Variants in TMEM108 observed in about 807,000 individuals in gnomAD.
TMEM108 encodes the protein transmembrane protein 108.
TMEM108 carries 12 observed loss-of-function variants against 35.1 expected under a neutral mutation model. That is an observed-to-expected ratio of 0.34 (90% CI 0.22 to 0.55). The LOEUF is 0.55. Among genes scored for constraint, TMEM108 ranks in the 20% least tolerant of loss-of-function variants. The pLI is 0.89. For missense variants in TMEM108, 680 were observed against 753.3 expected, an observed-to-expected ratio of 0.90 and a Z score of 1.14; for synonymous variants, 287 against 308.6, an observed-to-expected ratio of 0.93 and a Z score of 0.73.
intron 2 of TMEM108, among the ~76,000 whole-genome samples, chr3:133,150,341 G>GGTTTT (rs1944780213): frequency 2.1e-5 from 1 of 48,680 alleles, no homozygotes; most frequent in Non-Finnish European, 4.2e-5. Context: ...CAGGTTATTT[G>GGTTTT]GTTTTTTTTT....
intron 2 of TMEM108, among the ~76,000 whole-genome samples, chr3:133,080,818 A>AT (rs1468070846): frequency 2.0e-5 from 3 of 151,968 alleles, no homozygotes; most frequent in African/African-American, 4.8e-5. Context: ...TATTTTCTCC[A>AT]TTTTTTTTAA....
chr3:133,090,865 T>G (rs1236234828), intron 2 of TMEM108, among the ~76,000 whole-genome samples: 1 of 152,192 alleles, frequency 6.6e-6, no homozygotes, highest in Non-Finnish European at 1.5e-5. Flanking sequence ...AAGTATTCTA[T>G]TATATGGAGC....
At chr3:133,184,886 C>A (rs1401160735) in intron 2 of TMEM108, among the ~76,000 whole-genome samples, 3 of 152,128 alleles carry the variant, frequency 2.0e-5, no homozygotes, top group Non-Finnish European at 2.9e-5. Flanking sequence ...GATGAAGGCT[C>A]AAAAGGAAAG....
chr3:133,341,254 A>G (rs1392160598), intron 3 of TMEM108, among the ~76,000 whole-genome samples: 2 of 151,898 alleles, frequency 1.3e-5, no homozygotes, highest in African/African-American at 4.8e-5. Context: ...GCATTTCTGT[A>G]TGCCAGCAGT....
chr3:133,168,566 AGGACCAATCAGCACTCTGTAAAAC>A (rs1393067055), intron 2 of TMEM108, among the ~76,000 whole-genome samples: 11 of 151,268 alleles, frequency 7.3e-5, no homozygotes, highest in Admixed American at 3.3e-4. Context: ...TGGTAAAAAA[AGGACCAATCAGCACTCTGTAAAAC>A]GGACCAATCA....
At chr3:133,273,072 TCA>T (rs1677413892) in intron 3 of TMEM108, among the ~76,000 whole-genome samples, 1 of 152,072 alleles carries the variant, frequency 6.6e-6, no homozygotes, top group South Asian at 2.1e-4. Flanking sequence ...TAGGGGTGGG[TCA>T]CAAACCCCTC....
chr3:133,386,151 G>C (rs1398688746), intron 4 of TMEM108, among the ~76,000 whole-genome samples: 1 of 152,212 alleles, frequency 6.6e-6, no homozygotes, highest in African/African-American at 2.4e-5. Flanking sequence ...CCCTGTCATG[G>C]TCAATCATGG....
intron 3 of TMEM108, among the ~76,000 whole-genome samples, chr3:133,231,394 G>A (rs1360770108): frequency 1.3e-5 from 2 of 152,116 alleles, no homozygotes; most frequent in African/African-American, 2.4e-5. Context: ...AGAACCTACT[G>A]TCTCCACTGC....
chr3:133,145,002 C>T (rs182538835), intron 2 of TMEM108, among the ~76,000 whole-genome samples: 2 of 152,194 alleles, frequency 1.3e-5, no homozygotes, highest in East Asian at 1.9e-4. Flanking sequence ...CTTTTGTTGC[C>T]ATTGCTTTTG....
intron 3 of TMEM108, among the ~76,000 whole-genome samples, chr3:133,260,720 C>A (rs1387132581): frequency 4.6e-5 from 7 of 152,118 alleles, no homozygotes; most frequent in Non-Finnish European, 8.8e-5. Context: ...AGATACCTGA[C>A]TGCTTTGTGG....
chr3:133,040,500 C>T (rs1342469749), intron 1 of TMEM108, among the ~76,000 whole-genome samples: 2 of 151,930 alleles, frequency 1.3e-5, no homozygotes, highest in Non-Finnish European at 2.9e-5. Context: ...ACCATGCCGG[C>T]CAGAAAATTT....
chr3:133,265,382 G>C (rs1946683235), intron 3 of TMEM108, among the ~76,000 whole-genome samples: 1 of 152,132 alleles, frequency 6.6e-6, no homozygotes, highest in African/African-American at 2.4e-5. Flanking sequence ...ACATACTTTG[G>C]GTTGAATGTG....
At chr3:133,325,899 A>G (rs2071327119) in intron 3 of TMEM108, among the ~76,000 whole-genome samples, 3 of 152,010 alleles carry the variant, frequency 2.0e-5, no homozygotes, top group Non-Finnish European at 4.4e-5. Flanking sequence ...TACATTTTAA[A>G]AGAGAGTCAT....
chr3:133,200,543 G>C (rs548682926), intron 2 of TMEM108, among the ~76,000 whole-genome samples: 24 of 152,214 alleles, frequency 1.6e-4, no homozygotes, highest in African/African-American at 5.3e-4. Context: ...TCTTCTCGTT[G>C]AATCTGAAAC....
intron 2 of TMEM108, among the ~76,000 whole-genome samples, chr3:133,099,921 C>A (rs1944065657): frequency 6.6e-6 from 1 of 152,224 alleles, no homozygotes; most frequent in Non-Finnish European, 1.5e-5. Flanking sequence ...CTGCCTGTTA[C>A]CCAGTTCCAA....
chr3:133,278,482 C>T (rs1156704497), intron 3 of TMEM108, among the ~76,000 whole-genome samples: 2 of 152,144 alleles, frequency 1.3e-5, no homozygotes, highest in African/African-American at 4.8e-5. Flanking sequence ...ATTATGTGAA[C>T]ATTGTAGAGT....
intron 3 of TMEM108, among the ~76,000 whole-genome samples, chr3:133,274,106 T>C (rs1352546185): frequency 6.6e-6 from 1 of 152,210 alleles, no homozygotes; most frequent in East Asian, 1.9e-4. Context: ...CGAGTTTGTA[T>C]GAACACAGGT....
chr3:133,226,677 C>T (rs1321893562), intron 2 of TMEM108, among the ~76,000 whole-genome samples: 3 of 151,918 alleles, frequency 2.0e-5, no homozygotes, highest in Non-Finnish European at 2.9e-5. Context: ...GAGGAGGGAG[C>T]CATTCAGTCA....
At chr3:133,067,006 A>G (rs369590464) in intron 2 of TMEM108, among the ~76,000 whole-genome samples, 7 of 152,250 alleles carry the variant, frequency 4.6e-5, no homozygotes, top group East Asian at 1.9e-4. Flanking sequence ...ATTCATTTTC[A>G]CTTGGGTAAA....
Sources: gnomAD v4.1 joint callset for allele counts (sites outside exome capture counted in the v4.1 genomes callset) on GRCh38, gnomAD v4.1.1 for gene constraint, MANE v1.5 for transcripts, NCBI Gene and HGNC (gene_info 2026-07-23, HGNC 2026-07-21) for gene names.